Variants in CYP4F2 observed in about 807,000 individuals in gnomAD.
CYP4F2 encodes the protein cytochrome P450 family 4 subfamily F member 2, also known as cytochrome P450 4F2.
In CYP4F2, 58 loss-of-function variants were observed where a neutral mutation model predicts 58.9. The ratio of observed to expected loss-of-function variants is 0.98; its 90% CI spans 0.80 to 1.23. CYP4F2 has a LOEUF of 1.23. Ranked by LOEUF, CYP4F2 falls within the 50% of genes most tolerant of loss-of-function variation. CYP4F2 has a pLI of 0.00. For missense variants in CYP4F2, 616 were observed against 685.6 expected (o/e 0.90, Z 1.13); for synonymous variants, 287 against 261.1 (o/e 1.10, Z -0.95).
intron 5 of CYP4F2, 125 bp from the exon 6 acceptor site, chr19:15,890,558 C>T: frequency 7.1e-7 from 1 of 1,418,148 alleles, no homozygotes; most frequent in Non-Finnish European, 9.4e-7. Flanking sequence ...GACCCCTCCC[C>T]AGGGAGCACC....
chr19:15,885,058 C>T (rs1277067194), intron 9 of CYP4F2, among the ~76,000 whole-genome samples: 1 of 151,866 alleles, frequency 6.6e-6, no homozygotes, highest in Non-Finnish European at 1.5e-5. Flanking sequence ...TCTCTCTCCC[C>T]TTCTCCTCCT....
At chr19:15,882,542 T>C (rs1178517422) in intron 9 of CYP4F2, among the ~76,000 whole-genome samples, 2 of 133,826 alleles carry the variant, frequency 1.5e-5, no homozygotes, top group East Asian at 4.1e-4. Flanking sequence ...TCAGGTTGTA[T>C]ACATACATCA....
chr19:15,895,864 T>G (rs879669424), intron 2 of CYP4F2, among the ~76,000 whole-genome samples: 1 of 152,022 alleles, frequency 6.6e-6, no homozygotes, highest in Non-Finnish European at 1.5e-5. Flanking sequence ...CATCCATATA[T>G]TCATCTGTCT....
Position 15,887,961 on chromosome 19 carries a change from G to C in CYP4F2, c.918+1462C>G, listed in dbSNP as rs369206996. On this transcript the variant is annotated intron_variant, in intron 7 of 12. Transcript: ENST00000221700. ...ATAGACACAGACACACACACACATA[G>C]ACAAAGTCACAGACTTAGAAACACA... Among the ~76,000 whole-genome samples the C allele has an allele frequency of 2.7e-5, 4 of 149,010 alleles. No individual in the cohort carries two copies. In the East Asian group the frequency reaches 8.1e-4, roughly 30 times the overall value.
In CYP4F2 at chr19:15,897,911, C is replaced by T. The variant is rs974251746; in HGVS notation, c.-2+115G>A. 6 of 342,844 alleles carry T rather than the reference C, an allele frequency of 1.8e-5. No homozygotes were observed. The Admixed American group carries it at 2.0e-4, about 11-fold the overall frequency. 21.2% of individuals were successfully genotyped at this position (342,844 alleles called of 1,614,324 possible). A position where few individuals can be genotyped will look rare whatever the true frequency, so the allele number is the denominator to read the frequency against. ...GTTGCCAGGGGCTTGGTTTCAGTTACTCGGAAACCACCCATCCTCCAGGCC... is the reference window on the plus strand; with the variant it reads ...GTTGCCAGGGGCTTGGTTTCAGTTATTCGGAAACCACCCATCCTCCAGGCC... On this transcript the variant is annotated intron_variant, in intron 1 of 12. Coordinates refer to ENST00000221700, the MANE Select transcript of CYP4F2 (RefSeq NM_001082.5).
chr19:15,897,771 G>A (rs1568475167), intron 1 of CYP4F2, 159 bp from the exon 2 acceptor site: 1 of 866,480 alleles, frequency 1.2e-6, no homozygotes, highest in Non-Finnish European at 1.7e-6. Flanking sequence ...GTCCAGAAAG[G>A]CCCAACCAAA....
chr19:15,885,236 C>T (rs965374995), intron 9 of CYP4F2, among the ~76,000 whole-genome samples: 2 of 152,108 alleles, frequency 1.3e-5, no homozygotes, highest in African/African-American at 4.8e-5. Flanking sequence ...TATTTAGGCT[C>T]TCAACTGAGA....
intron 3 of CYP4F2, among the ~76,000 whole-genome samples, chr19:15,894,700 C>T (rs1166359924): frequency 6.6e-6 from 1 of 152,186 alleles, no homozygotes. Context: ...CCCAGAGTCA[C>T]TCAGCATTTT....
chr19:15,897,440 TC>T lies in CYP4F2; in HGVS notation c.171del (p.Asn58ThrfsTer17). 1.2e-6 allele frequency: 2 copies of T among 1,613,678 alleles called. No homozygotes were observed. The highest frequency in any genetic ancestry group is 1.7e-6 in the Non-Finnish European group (2 of 1,179,888). On this transcript the variant is annotated frameshift_variant, in exon 2 of 13. Transcript: ENST00000221700. LOFTEE classifies it high-confidence loss of function. ...RLRCFPQPPR[R>X]NWFWGHQGMV... ...ATGCCCTGGTGTCCCCAAAACCAGT[TC>T]CGTCTTGGGGGTTGTGGGAAACACC...
At chr19:15,897,177 G>C (rs901450489) in intron 2 of CYP4F2, among the ~76,000 whole-genome samples, 2 of 152,142 alleles carry the variant, frequency 1.3e-5, no homozygotes, top group Non-Finnish European at 2.9e-5. Context: ...CATTAATGTG[G>C]GAAGACAGGC....
intron 7 of CYP4F2, 80 bp from the exon 8 acceptor site, chr19:15,886,388 C>A: frequency 6.9e-7 from 1 of 1,451,138 alleles, no homozygotes; most frequent in South Asian, 1.2e-5. Context: ...TGAGTCTAAT[C>A]TGAGACAGTC....
chr19:15,894,668 A>C (rs753153311), intron 3 of CYP4F2, among the ~76,000 whole-genome samples: 14 of 152,128 alleles, frequency 9.2e-5, no homozygotes, highest in South Asian at 4.1e-4. Context: ...GACTTCAATA[A>C]CCAGAGACAG....
Position 15,895,650 on chromosome 19 carries a change from C to T in CYP4F2, c.199G>A (p.Val67Ile), listed in dbSNP as rs2089443389. 1 of 1,594,642 alleles carries T rather than the reference C, an allele frequency of 6.3e-7. No individual in the cohort carries two copies. Among genetic ancestry groups the T allele is most frequent in the Admixed American group, 1.8e-5 (1 of 56,576 alleles). Residue 67 changes from valine (V) to isoleucine (I), a missense_variant and splice_region_variant, in exon 3 of 13, where the codon GTC becomes ATC. Physicochemically the swap from Val to Ile is conservative, Grantham distance 29 (BLOSUM62 3). Transcript: ENST00000221700. ...CTCATGCCCTCCTCTGTGGGGTTGA[C>T]CTGCAAGCAAGGCAGGGGTCATTAC... ...RNWFWGHQGM[V>I]NPTEEGMRVL...
At chr19:15,895,802 A>T in intron 2 of CYP4F2, 152 bp from the exon 3 acceptor site, 1 of 916,274 alleles carries the variant, frequency 1.1e-6, no homozygotes, top group South Asian at 2.0e-5. Flanking sequence ...CTATCTATAT[A>T]TCTATCTGCC....
At chr19:15,889,190 T>C (rs2089400560) in intron 7 of CYP4F2, among the ~76,000 whole-genome samples, 1 of 152,184 alleles carries the variant, frequency 6.6e-6, no homozygotes, top group African/African-American at 2.4e-5. Context: ...GACAATTAAC[T>C]CATTAGTTTG....
chr19:15,886,726 G>C (rs55724850), intron 7 of CYP4F2, among the ~76,000 whole-genome samples: 21,367 of 152,142 alleles, frequency 0.14, 1,644 homozygotes, highest in Non-Finnish European at 0.17. Flanking sequence ...GGGTTGTAAG[G>C]CTAAGGACTA....
chr19:15,895,116 C>T (rs1312654861), intron 3 of CYP4F2, among the ~76,000 whole-genome samples: 2 of 152,180 alleles, frequency 1.3e-5, no homozygotes, highest in Admixed American at 6.5e-5. Flanking sequence ...GTAACTCCTC[C>T]TCTAGGAAGC....
At chr19:15,890,111 C>T (rs2089407605) in intron 6 of CYP4F2, among the ~76,000 whole-genome samples, 1 of 152,214 alleles carries the variant, frequency 6.6e-6, no homozygotes. Flanking sequence ...CCCTACAGAG[C>T]TCTGACCACA....
chr19:15,888,726 TAGAC>T (rs1449467024), intron 7 of CYP4F2, among the ~76,000 whole-genome samples: 2 of 151,694 alleles, frequency 1.3e-5, no homozygotes, highest in African/African-American at 2.4e-5. Flanking sequence ...AACATAGACA[TAGAC>T]AGAAACAGAC....
Sources: gnomAD v4.1 joint callset for allele counts (sites outside exome capture counted in the v4.1 genomes callset) on GRCh38, gnomAD v4.1.1 for gene constraint, MANE v1.5 for transcripts, NCBI Gene and HGNC (gene_info 2026-07-23, HGNC 2026-07-21) for gene names.